SNX32: variants seen among roughly 807,000 people sequenced by gnomAD.
SNX32 encodes the protein sorting nexin 32.
Under a neutral mutation model 57.0 loss-of-function variants are expected in SNX32, and 58 were observed. The observed-to-expected ratio is 1.02, with a 90% CI of 0.82 to 1.27. The LOEUF is 1.27. Among genes scored for constraint, SNX32 ranks in the 50% most tolerant of loss-of-function variants. The pLI, the probability that SNX32 is intolerant of heterozygous loss-of-function variation, is 0.00. For missense variants in SNX32, 589 were observed against 541.2 expected (o/e 1.09, Z -0.88); for synonymous variants, 262 against 220.4 (o/e 1.19, Z -1.67).
At chr11:65,849,711 C>T (rs1859106750) in intron 2 of SNX32, 129 bp downstream of exon 2, 1 of 898,042 alleles carries the variant, frequency 1.1e-6, no homozygotes, top group Middle Eastern at 2.2e-4. Flanking sequence ...GCCCTCAGCC[C>T]CTCCTGGAAA....
chr11:65,846,574 A>C (rs1367026376), intron 1 of SNX32, among the ~76,000 whole-genome samples: 6 of 151,792 alleles, frequency 4.0e-5, no homozygotes, highest in Non-Finnish European at 7.4e-5. Flanking sequence ...CTCGAAAAAA[A>C]AAAAAAAGAA....
intron 12 of SNX32, 97 bp downstream of exon 12, chr11:65,853,055 G>A: frequency 1.3e-5 from 18 of 1,388,608 alleles, no homozygotes; most frequent in Non-Finnish European, 1.8e-5. Context: ...GTGAGGGTGT[G>A]CACGCATGTA....
chr11:65,839,411 A>C lies in SNX32; in HGVS notation c.36+5310A>C, dbSNP rs560803493. Reference sequence around the variant, plus strand: ...CGCCCGGCTAATTTTTTGTATTTTTAGTAGAGACGGGGTTTCACCGTTTTA... The same window carrying C: ...CGCCCGGCTAATTTTTTGTATTTTTCGTAGAGACGGGGTTTCACCGTTTTA... On this transcript the variant is annotated intron_variant, in intron 1 of 12. Coordinates refer to ENST00000308342, the MANE Select transcript of SNX32 (RefSeq NM_152760.3). Among the ~76,000 whole-genome samples, 3 of 146,586 alleles carry C rather than the reference A, an allele frequency of 2.0e-5. 1 individual carries two copies. The East Asian group carries it at 6.4e-4, about 31-fold the overall frequency.
intron 9 of SNX32, among the ~76,000 whole-genome samples, chr11:65,851,934 A>G (rs1319168680): frequency 6.6e-6 from 1 of 152,138 alleles, no homozygotes; most frequent in Non-Finnish European, 1.5e-5. Context: ...TGGGAGGCAC[A>G]AGGGTGTGCC....
At chr11:65,834,168 C>T (rs1858583093) in intron 1 of SNX32, 67 bp downstream of exon 1, 1 of 1,436,596 alleles carries the variant, frequency 7.0e-7, no homozygotes, top group African/African-American at 1.4e-5. Context: ...GATGCCCAAT[C>T]ATGCGGTGGT....
Position 65,849,928 on chromosome 11 carries a change from C to G in SNX32, c.150C>G (p.Leu50=). 6.4e-7 allele frequency: 1 copy of G among 1,569,650 alleles called. No homozygotes were observed. Among genetic ancestry groups the G allele is most frequent in the Non-Finnish European group, 8.7e-7 (1 of 1,154,068 alleles). The part of the protein sequence containing the change: ...VKFTVQTKSC[L]PHFAQTEFSV... Reference sequence around the variant, plus strand: ...GGCCTTCCCGCTTCCAGAGCTGCCTCCCTCACTTCGCCCAGACCGAGTTCT... The same window carrying G: ...GGCCTTCCCGCTTCCAGAGCTGCCTGCCTCACTTCGCCCAGACCGAGTTCT... The change falls in exon 3 of 13, where the codon CTC becomes CTG. Residue 50 remains leucine, a synonymous_variant. Coordinates refer to ENST00000308342, the MANE Select transcript of SNX32 (RefSeq NM_152760.3).
At chr11:65,839,059 T>C (rs1858746971) in intron 1 of SNX32, among the ~76,000 whole-genome samples, 2 of 150,602 alleles carry the variant, frequency 1.3e-5, no homozygotes, top group South Asian at 4.2e-4. Context: ...ATTATTATTA[T>C]TATTTTTGAG....
intron 12 of SNX32, 108 bp downstream of exon 12, chr11:65,853,066 T>C: frequency 3.1e-6 from 4 of 1,308,832 alleles, no homozygotes; most frequent in Non-Finnish European, 4.4e-6. Flanking sequence ...CACGCATGTA[T>C]GCGCGTGTGT....
chr11:65,849,067 C>G (rs559190654), intron 1 of SNX32, among the ~76,000 whole-genome samples: 2 of 152,248 alleles, frequency 1.3e-5, no homozygotes, highest in South Asian at 2.1e-4. Flanking sequence ...TCGCTTGAAC[C>G]CGGGAGGTGG....
chr11:65,841,470 T>A lies in SNX32; in HGVS notation c.36+7369T>A, dbSNP rs11227325. On this transcript the variant is annotated intron_variant, in intron 1 of 12. Coordinates refer to ENST00000308342, the MANE Select transcript of SNX32 (RefSeq NM_152760.3). ...CCTGGTTGGCCTTGAACTCCTTGGC[T>A]CAAATGATTCTCCTGCCTCAGCCTT... Among the ~76,000 whole-genome samples, 658 of 152,270 alleles carry A rather than the reference T, an allele frequency of 4.3e-3. 24 individuals carry two copies. In the East Asian group the frequency reaches 0.1, roughly 23 times the overall value.
In SNX32 at chr11:65,851,384, G is replaced by C. The variant is rs151221398; in HGVS notation, c.766G>C (p.Glu256Gln). 1.7e-5 allele frequency: 28 copies of C among 1,614,150 alleles called. No homozygotes were observed. The Admixed American group carries it at 4.0e-4, about 23-fold the overall frequency. The stretch of plus-strand genomic sequence containing the variant: ...TGCGCTGAGCAGTCTGGGAACACAG[G>C]AAGTCAACCAGCTAAGGACGTGAGG... The part of the protein sequence containing the change: ...SAALSSLGTQ[E>Q]VNQLRTSFLK... Residue 256 changes from glutamate (E) to glutamine (Q), a missense_variant, in exon 8 of 13, where the codon GAA (glutamate) becomes CAA (glutamine). Physicochemically the swap from Glu to Gln is conservative, Grantham distance 29. Coordinates refer to ENST00000308342, the MANE Select transcript of SNX32 (RefSeq NM_152760.3).
In SNX32 at chr11:65,849,694, G is replaced by A. The variant is rs767775910; in HGVS notation, c.141+112G>A. The A allele has an allele frequency of 6.9e-6, 7 of 1,012,352 alleles. No individual in the cohort carries two copies. The South Asian group carries it at 9.5e-5, about 14-fold the overall frequency. 62.7% of individuals were successfully genotyped at this position (1,012,352 alleles called of 1,614,324 possible). Reference sequence around the variant, plus strand: ...GCCTGTGGGCACTCTTCCTCCACCTGGCACTTGCCCTCAGCCCCTCCTGGA... The same window carrying A: ...GCCTGTGGGCACTCTTCCTCCACCTAGCACTTGCCCTCAGCCCCTCCTGGA... On this transcript the variant is annotated intron_variant, in intron 2 of 12. Transcript: ENST00000308342.
intron 1 of SNX32, among the ~76,000 whole-genome samples, chr11:65,841,879 A>C (rs1362127609): frequency 6.6e-6 from 1 of 152,152 alleles, no homozygotes. Flanking sequence ...ATAATTGGAA[A>C]GATATTACCT....
chr11:65,834,856 G>C (rs145578354), intron 1 of SNX32, among the ~76,000 whole-genome samples: 1,823 of 151,050 alleles, frequency 0.012, 16 homozygotes, highest in Non-Finnish European at 0.021. Flanking sequence ...GGGTCTGTGT[G>C]TGTGTTTGCA....
chr11:65,852,920 C>T lies in SNX32; in HGVS notation c.1120C>T (p.Leu374Phe), dbSNP rs1859261558. The T allele has an allele frequency of 6.2e-7, 1 of 1,614,030 alleles. No individual in the cohort carries two copies. The highest frequency in any genetic ancestry group is 1.1e-5 in the South Asian group (1 of 91,066). Residue 374 changes from leucine (L) to phenylalanine (F), a missense_variant, in exon 12 of 13, where the codon CTC becomes TTC. Leu to Phe is a conservative substitution (Grantham distance 22). Transcript: ENST00000308342. ...SRRVSSFRKNLIELAELELKH... is the reference protein window; with the variant it reads ...SRRVSSFRKNFIELAELELKH... The stretch of plus-strand genomic sequence containing the variant: ...CCGGGTCTCCTCTTTTCGAAAGAAT[C>T]TCATTGAGCTGGCAGAGCTGGAGCT...
intron 1 of SNX32, among the ~76,000 whole-genome samples, chr11:65,837,136 G>C (rs902083488): frequency 6.6e-6 from 1 of 151,872 alleles, no homozygotes; most frequent in Non-Finnish European, 1.5e-5. Flanking sequence ...AAGAGGACAA[G>C]AAAGAAAGAA....
At chr11:65,842,463 C>T (rs1858866556) in intron 1 of SNX32, among the ~76,000 whole-genome samples, 2 of 151,882 alleles carry the variant, frequency 1.3e-5, no homozygotes, top group East Asian at 3.9e-4. Flanking sequence ...CCAGACTGGC[C>T]AACATGGTGA....
chr11:65,851,976 G>A (rs919342450), intron 9 of SNX32, among the ~76,000 whole-genome samples: 2 of 152,156 alleles, frequency 1.3e-5, no homozygotes, highest in African/African-American at 4.8e-5. Flanking sequence ...CCAGCTGCCA[G>A]CACACTGCCC....
Position 65,853,566 on chromosome 11 carries a change from G to GC in SNX32, c.*235dup. ...ATCATAACTGGCCACAGTCAGCAGA[G>GC]CCCCAGGGACCCTGACACCTCTCCC... On this transcript the variant is annotated 3_prime_UTR_variant, in exon 13 of 13. Transcript: ENST00000308342. 4 of 587,778 alleles carry GC rather than the reference G, an allele frequency of 6.8e-6. No homozygotes were observed. The highest frequency in any genetic ancestry group is 1.2e-5 in the Non-Finnish European group (4 of 329,268). The allele number at this position is 587,778 out of a possible 1,614,324, so 36.4% of individuals were successfully genotyped here. A position where few individuals can be genotyped will look rare whatever the true frequency, so the allele number is the denominator to read the frequency against.
Sources: allele counts gnomAD v4.1 joint callset (sites outside exome capture counted in the v4.1 genomes callset), GRCh38; gene constraint gnomAD v4.1.1; transcripts MANE v1.5; gene names NCBI Gene and HGNC (gene_info 2026-07-23, HGNC 2026-07-21).